The following TGS1 variants were observed in gnomAD, a reference collection of about 807,000 sequenced individuals.
TGS1 encodes the protein trimethylguanosine synthase 1.
A neutral mutation model predicts 92.2 loss-of-function variants in TGS1; 69 were observed. The observed-to-expected ratio is 0.75, with a 90% confidence interval of 0.62 to 0.91. The LOEUF (loss-of-function observed/expected upper bound fraction) is 0.91. TGS1 is among the 40% of genes least tolerant of loss of function. The pLI, the probability that TGS1 is intolerant of heterozygous loss-of-function variation, is 0.00. For missense variants in TGS1, 1,062 were observed against 1,001.2 expected, an observed-to-expected ratio of 1.06 and a Z score of -0.82; for synonymous variants, 345 against 338.1, an observed-to-expected ratio of 1.02 and a Z score of -0.22.
At chr8:55,812,605 T>C (rs1402926938) in intron 11 of TGS1, among the ~76,000 whole-genome samples, 1 of 151,846 alleles carries the variant, frequency 6.6e-6, no homozygotes, top group Non-Finnish European at 1.5e-5. Flanking sequence ...GAGGATCTCT[T>C]GAACCCAGGA....
chr8:55,817,975 G>C (rs978537466), intron 12 of TGS1, among the ~76,000 whole-genome samples: 1 of 152,172 alleles, frequency 6.6e-6, no homozygotes, highest in Admixed American at 6.6e-5. Context: ...TGACATTCTG[G>C]AGCAGTGTGT....
intron 7 of TGS1, among the ~76,000 whole-genome samples, chr8:55,796,556 C>T (rs1327216253): frequency 1.3e-5 from 2 of 151,948 alleles, no homozygotes; most frequent in South Asian, 4.1e-4. Context: ...AGCATGGTGG[C>T]GCTTGCCTGA....
At chr8:55,785,646 T>A in intron 2 of TGS1, 73 bp from the exon 3 acceptor site, 1 of 1,196,506 alleles carries the variant, frequency 8.4e-7, no homozygotes, top group Non-Finnish European at 1.1e-6. Context: ...GATCTCAGGT[T>A]TTTTTAAATG....
At position 55,824,703 on chromosome 8, in the gene TGS1, A is replaced by T; in HGVS notation, c.2562A>T (p.Ter854TyrextTer18). The change falls in exon 13 of 13, where the codon TAA becomes TAT. Residue 854 changes from the stop codon to tyrosine, a stop_lost. Coordinates refer to ENST00000260129, the MANE Select transcript of TGS1 (RefSeq NM_024831.8). ...TTCGAAGACCAGCCTCTGAAACCTA[A>T]CTATGCAGCAGTGCGAGGACAAAAG... ...DLIRRPASET[*>Y] The T allele has an allele frequency of 6.2e-7, 1 of 1,614,166 alleles. No homozygotes were observed. Among genetic ancestry groups the T allele is most frequent in the Non-Finnish European group, 8.5e-7 (1 of 1,180,004 alleles).
chr8:55,798,261 A>G (rs1264072980), intron 7 of TGS1, among the ~76,000 whole-genome samples: 2 of 152,224 alleles, frequency 1.3e-5, no homozygotes, highest in Admixed American at 6.5e-5. Context: ...GGTCATGAAG[A>G]CAAGATAGGA....
intron 2 of TGS1, among the ~76,000 whole-genome samples, chr8:55,784,642 C>A (rs954487304): frequency 2.6e-5 from 4 of 152,152 alleles, no homozygotes; most frequent in African/African-American, 9.7e-5. Flanking sequence ...TAGCAGAATC[C>A]TTTTGTTAAA....
intron 6 of TGS1, 80 bp from the exon 7 acceptor site, chr8:55,795,898 G>A (rs1812029906): frequency 9.5e-7 from 1 of 1,055,802 alleles, no homozygotes; most frequent in Middle Eastern, 2.2e-4. Context: ...GAGTGAAAAT[G>A]TTAGTTTCAT....
At chr8:55,810,224 C>T (rs1803302116) in intron 10 of TGS1, among the ~76,000 whole-genome samples, 1 of 152,214 alleles carries the variant, frequency 6.6e-6, no homozygotes, top group African/African-American at 2.4e-5. Flanking sequence ...GAGTAGTTTA[C>T]TGCAAAACAT....
chr8:55,774,615 G>A (rs11780893), intron 1 of TGS1, among the ~76,000 whole-genome samples: 128,318 of 152,182 alleles, frequency 0.84, 54,424 homozygotes, highest in East Asian at 0.99. Context: ...AATGTTTTTT[G>A]TGCTCTTGTA....
chr8:55,810,696 A>T (rs989006608), intron 10 of TGS1, among the ~76,000 whole-genome samples, 185 bp from the exon 11 acceptor site: 1 of 152,232 alleles, frequency 6.6e-6, no homozygotes, highest in African/African-American at 2.4e-5. Flanking sequence ...CAACACAGTG[A>T]ATCTTTCTAA....
chr8:55,802,603 A>G lies in TGS1; in HGVS notation c.1996A>G (p.Arg666Gly). Residue 666 changes from arginine to glycine, a missense_variant, in exon 9 of 13, where the codon AGA becomes GGA. Coordinates refer to ENST00000260129, the MANE Select transcript of TGS1 (RefSeq NM_024831.8). ...TTTTGATGATGGGATTAAGTTGGAC[A>G]GAGGTAAAGTATATATGTATTTTTT... ...SRFDDGIKLD[R>G]EGWFSVTPEK... The G allele has an allele frequency of 6.2e-7, 1 of 1,608,068 alleles. No individual in the cohort carries two copies. Among genetic ancestry groups the G allele is most frequent in the Non-Finnish European group, 8.5e-7 (1 of 1,178,520 alleles).
At chr8:55,812,495 CAAAAAAA>C (rs59611291) in intron 11 of TGS1, among the ~76,000 whole-genome samples, 1 of 98,360 alleles carries the variant, frequency 1.0e-5, no homozygotes, top group Admixed American at 1.1e-4. Context: ...GACTCTGTCT[CAAAAAAA>C]AAAAAAAAAA....
rs754206400 is a variant in TGS1, at chr8:55,782,753, G to A, written c.107G>A (p.Arg36Gln). ...CLCSRAFVED[R>Q]KLYNLGLKGY... Reference sequence around the variant, plus strand: ...CTGCTTAATCTGCTTCGCAGGGATCGAAAATTGTACAATTTGGGATTAAAA... The same window carrying A: ...CTGCTTAATCTGCTTCGCAGGGATCAAAAATTGTACAATTTGGGATTAAAA... Residue 36 changes from arginine (R) to glutamine (Q), a missense_variant, in exon 2 of 13, where the codon CGA (arginine) becomes CAA (glutamine). Transcript: ENST00000260129. 56 of 1,609,606 alleles carry A rather than the reference G, an allele frequency of 3.5e-5. No homozygotes were observed. The highest frequency in any genetic ancestry group is 2.4e-4 in the Admixed American group (14 of 59,178).
chr8:55,820,090 A>G (rs990932274), intron 12 of TGS1, among the ~76,000 whole-genome samples: 1 of 152,228 alleles, frequency 6.6e-6, no homozygotes, highest in Non-Finnish European at 1.5e-5. Context: ...ATGTAGTAAT[A>G]GGGCATTTTT....
intron 11 of TGS1, among the ~76,000 whole-genome samples, chr8:55,811,464 AAGAG>A (rs980743005): frequency 6.7e-5 from 10 of 149,330 alleles, no homozygotes; most frequent in Admixed American, 2.7e-4. Flanking sequence ...TCTGTCTCAA[AAGAG>A]AGAGAGAGAT....
chr8:55,818,917 G>C (rs1188073140), intron 12 of TGS1, among the ~76,000 whole-genome samples: 1 of 152,192 alleles, frequency 6.6e-6, no homozygotes, highest in African/African-American at 2.4e-5. Flanking sequence ...ACAGAGCTTA[G>C]TGAACTGGTT....
chr8:55,780,657 C>A (rs62515242), intron 1 of TGS1, among the ~76,000 whole-genome samples: 23,731 of 152,074 alleles, frequency 0.16, 2,200 homozygotes, highest in African/African-American at 0.26. Context: ...GATAACTTCC[C>A]CCTGAATCAG....
At chr8:55,805,622 AC>A (rs756174643) in intron 10 of TGS1, among the ~76,000 whole-genome samples, 2 of 152,064 alleles carry the variant, frequency 1.3e-5, no homozygotes, top group Admixed American at 6.5e-5. Context: ...GTAGTGGCTT[AC>A]CCCTGTAATC....
At position 55,782,819 on chromosome 8, in the gene TGS1, T is replaced by G. The variant is rs943434224; in HGVS notation, c.166+7T>G. ...GACAGTGGCAACAATTCAGGTAATA[T>G]AGTATAAAATTCTATAAACCTTTTT... is the stretch of plus-strand genomic sequence containing the variant. On this transcript the variant is annotated splice_region_variant and intron_variant, in intron 2 of 12. Transcript: ENST00000260129. 1 of 1,574,864 alleles carries G rather than the reference T, an allele frequency of 6.3e-7. No homozygotes were observed. Among genetic ancestry groups the G allele is most frequent in the Non-Finnish European group, 8.6e-7 (1 of 1,157,940 alleles).
Sources: gnomAD v4.1 joint callset for allele counts (sites outside exome capture counted in the v4.1 genomes callset) on GRCh38, gnomAD v4.1.1 for gene constraint, MANE v1.5 for transcripts, NCBI Gene and HGNC (gene_info 2026-07-23, HGNC 2026-07-21) for gene names.